The following KRT3 variants were observed in gnomAD, a reference collection of about 807,000 sequenced individuals.
KRT3 encodes the protein keratin, type II cytoskeletal 3.
Under a neutral mutation model 45.8 loss-of-function variants are expected in KRT3, and 34 were observed. That is an observed-to-expected ratio of 0.74 (90% CI 0.57 to 0.99). The LOEUF is 0.99. Ranked by LOEUF, KRT3 falls within the 50% of genes least tolerant of loss-of-function variation. KRT3 has a pLI of 0.00. For synonymous variants in KRT3, 367 were observed against 329.0 expected (o/e 1.12, Z -1.25); for missense variants, 828 against 820.6 (o/e 1.01, Z -0.11).
At chr12:52,792,155 T>G in intron 5 of KRT3, 84 bp downstream of exon 5, 1 of 1,182,756 alleles carries the variant, frequency 8.5e-7, no homozygotes, top group East Asian at 2.4e-5. Context: ...CAGTGACCAC[T>G]GGGAACTCAC....
intron 1 of KRT3, among the ~76,000 whole-genome samples, chr12:52,794,693 C>T (rs1277968810): frequency 6.6e-6 from 1 of 152,216 alleles, no homozygotes; most frequent in Non-Finnish European, 1.5e-5. Flanking sequence ...CCACCCACGA[C>T]TCTACTGACA....
chr12:52,793,321 C>T, intron 2 of KRT3, 98 bp from the exon 3 acceptor site: 1 of 776,234 alleles, frequency 1.3e-6, no homozygotes, highest in Non-Finnish European at 2.2e-6. Context: ...TCCCTCCCTC[C>T]ATCCCTATCC....
Position 52,791,298 on chromosome 12 carries a change from C to A in KRT3, c.1443G>T (p.Leu481=). Residue 481 remains leucine, a synonymous_variant, in exon 7 of 9, where the codon CTG becomes CTT. Transcript: ENST00000417996. ...LQQAKDDLAR[L]LRDYQELMNV... ...TCATCAGCTCCTGGTAGTCACGTAG[C>A]AGCCGCGCCAGGTCATCCTTCGCCT... is the stretch of plus-strand genomic sequence containing the variant. The A allele has an allele frequency of 6.2e-7, 1 of 1,614,266 alleles. No individual in the cohort carries two copies. The highest frequency in any genetic ancestry group is 1.1e-5 in the South Asian group (1 of 91,090).
At position 52,794,232 on chromosome 12, in the gene KRT3, G is replaced by T. The variant is rs1405376814; in HGVS notation, c.745C>A (p.Pro249Thr). Reference sequence around the variant, plus strand: ...TAGTTGATGTGATTCTCAAAAAGAGGCTCAAGGTTGTTTGTGCCTGAGATG... The same window carrying T: ...TAGTTGATGTGATTCTCAAAAAGAGTCTCAAGGTTGTTTGTGCCTGAGATG... ...SSISGTNNLE[P>T]LFENHINYLR... Residue 249 changes from proline (P) to threonine (T), a missense_variant, in exon 2 of 9, where the codon CCT (proline) becomes ACT (threonine). Coordinates refer to ENST00000417996, the MANE Select transcript of KRT3 (RefSeq NM_057088.3). 5.0e-6 allele frequency: 8 copies of T among 1,614,048 alleles called. No individual in the cohort carries two copies. The highest frequency in any genetic ancestry group is 6.8e-6 in the Non-Finnish European group (8 of 1,179,990).
At chr12:52,793,088 G>A in intron 3 of KRT3, 75 bp downstream of exon 3, 3 of 1,186,272 alleles carry the variant, frequency 2.5e-6, no homozygotes, top group Non-Finnish European at 3.7e-6. Flanking sequence ...CTGTGGCAGT[G>A]GAGTGAGGAG....
rs1410809136 is a variant in KRT3 at position 52,792,769 on chromosome 12, T to G, written c.965A>C (p.Gln322Pro). Residue 322 changes from glutamine (Q) to proline (P), a missense_variant, in exon 4 of 9, where the codon CAG (glutamine) becomes CCG (proline). Physicochemically the swap from Gln to Pro is moderately conservative, Grantham distance 76. Coordinates refer to ENST00000417996, the MANE Select transcript of KRT3 (RefSeq NM_057088.3). ...ATCTATCAAGGCATCCACTTTGGCC[T>G]GAAGCTCCACCTTGTTCATATAGGC... Reference protein sequence around the residue: ...DSAYMNKVELQAKVDALIDEI... With the variant: ...DSAYMNKVELPAKVDALIDEI... 4 of 1,613,670 alleles carry G rather than the reference T, an allele frequency of 2.5e-6. No homozygotes were observed. The Admixed American group carries it at 6.7e-5, about 27-fold the overall frequency.
At chr12:52,792,430 C>A (rs747873998) in intron 4 of KRT3, 27 bp from the exon 5 acceptor site, 2 of 1,611,118 alleles carry the variant, frequency 1.2e-6, no homozygotes, top group Non-Finnish European at 8.5e-7. Flanking sequence ...AGCTTGTTCA[C>A]TTTTGGGGTC....
intron 1 of KRT3, among the ~76,000 whole-genome samples, chr12:52,794,816 C>G (rs1391359161): frequency 6.6e-6 from 1 of 152,158 alleles, no homozygotes; most frequent in African/African-American, 2.4e-5. Flanking sequence ...GGAGGCAGCC[C>G]CATGAGAACT....
Position 52,793,541 on chromosome 12 carries a change from C to T in KRT3, c.867-318G>A, listed in dbSNP as rs574914697. ...TCACATGCCAGAACCAGGATCTTCC[C>T]CAACCTGGCTCATGAGGAAATGCTT... On this transcript the variant is annotated intron_variant, in intron 2 of 8. Coordinates refer to ENST00000417996, the MANE Select transcript of KRT3 (RefSeq NM_057088.3). Among the ~76,000 whole-genome samples the T allele has an allele frequency of 2.6e-5, 4 of 152,296 alleles. No individual in the cohort carries two copies. The Middle Eastern group carries it at 0.014, about 518-fold the overall frequency.
rs1231716201 is a variant in KRT3 at position 52,789,805 on chromosome 12, G to A, written c.*237C>T. 2 of 614,832 alleles carry A rather than the reference G, an allele frequency of 3.3e-6. No homozygotes were observed. The highest frequency in any genetic ancestry group is 5.7e-6 in the Non-Finnish European group (2 of 348,840). The allele number at this position is 614,832 out of a possible 1,614,324, so 38.1% of individuals were successfully genotyped here. On this transcript the variant is annotated 3_prime_UTR_variant, in exon 9 of 9. Transcript: ENST00000417996. ...GGGGACTCCGGGGCAGCAGAAGGTG[G>A]CGGCCTAGGCCACACCTGGACAATC... is the stretch of plus-strand genomic sequence containing the variant.
chr12:52,792,449 A>C (rs377346032), intron 4 of KRT3, 46 bp from the exon 5 acceptor site: 146 of 1,578,724 alleles, frequency 9.2e-5, no homozygotes, highest in Admixed American at 2.0e-4. Flanking sequence ...TCCCTGTAAC[A>C]AGCACACAGG....
chr12:52,791,030 T>C (rs1939480451), intron 7 of KRT3, among the ~76,000 whole-genome samples, 158 bp from the exon 8 acceptor site: 1 of 152,246 alleles, frequency 6.6e-6, no homozygotes. Flanking sequence ...AAGGAGAGCC[T>C]GTGGGCACTG....
At position 52,795,442 on chromosome 12, in the gene KRT3, G is replaced by A. The variant is rs200301715; in HGVS notation, c.601C>T (p.Gln201Ter). ...AACTTGTTGTTGAGGGTCTTGATCTGTTCCCGCTCCTGGGCCTTTACTTGC... is the reference window on the plus strand; with the variant it reads ...AACTTGTTGTTGAGGGTCTTGATCTATTCCCGCTCCTGGGCCTTTACTTGC... ...IGQVKAQERE[Q>*]IKTLNNKFAS... is the part of the protein sequence containing the mutation. Residue 201 changes from glutamine (Q) to a stop codon, truncating the protein, a stop_gained, in exon 1 of 9, where the codon CAG becomes TAG. Transcript: ENST00000417996. LOFTEE classifies it high-confidence loss of function. The A allele has an allele frequency of 1.9e-5, 31 of 1,614,018 alleles. No individual in the cohort carries two copies. Among genetic ancestry groups the A allele is most frequent in the Non-Finnish European group, 2.5e-5 (30 of 1,180,038 alleles).
chr12:52,790,342 G>C lies in KRT3; in HGVS notation c.1587C>G (p.Ser529Arg). ...SAVSISVVSS[S>R]TTSASAGGYG... is the part of the protein sequence containing the mutation. ...AGCCACCTGCGGAGGCGGAAGTCGT[G>C]CTGCTGCTGACCACGGCTGTGGGGG... Residue 529 changes from serine (S) to arginine (R), a missense_variant, in exon 9 of 9, where the codon AGC (serine) becomes AGG (arginine). Coordinates refer to ENST00000417996, the MANE Select transcript of KRT3 (RefSeq NM_057088.3). 6.3e-7 allele frequency: 1 copy of C among 1,595,952 alleles called. No homozygotes were observed. The highest frequency in any genetic ancestry group is 8.5e-7 in the Non-Finnish European group (1 of 1,170,490).
Position 52,791,763 on chromosome 12 carries a change from G to C in KRT3, c.1242C>G (p.Thr414=). ...AGRHGDDLRN[T]KSEIIELNRM... The stretch of plus-strand genomic sequence containing the variant: ...TGTTGAGCTCTATGATCTCGCTCTT[G>C]GTATTTCTTAGGTCATCCCCATGCC... Residue 414 remains threonine, a synonymous_variant, in exon 6 of 9, where the codon ACC becomes ACG. Coordinates refer to ENST00000417996, the MANE Select transcript of KRT3 (RefSeq NM_057088.3). The C allele has an allele frequency of 6.2e-7, 1 of 1,614,008 alleles. No individual in the cohort carries two copies. Among genetic ancestry groups the C allele is most frequent in the Non-Finnish European group, 8.5e-7 (1 of 1,179,948 alleles).
Position 52,789,730 on chromosome 12 carries a change from G to T in KRT3, c.*312C>A. Reference sequence around the variant, plus strand: ...TGGCGACAGACCGGAGGGGCGGAGGGGGCTGTGTGCTATATACATCAGAGC... The same window carrying T: ...TGGCGACAGACCGGAGGGGCGGAGGTGGCTGTGTGCTATATACATCAGAGC... On this transcript the variant is annotated 3_prime_UTR_variant, in exon 9 of 9. Coordinates refer to ENST00000417996, the MANE Select transcript of KRT3 (RefSeq NM_057088.3). 1 of 543,154 alleles carries T rather than the reference G, an allele frequency of 1.8e-6. No individual in the cohort carries two copies. The highest frequency in any genetic ancestry group is 3.3e-6 in the Non-Finnish European group (1 of 304,000). The allele number at this position is 543,154 out of a possible 1,614,324, so 33.6% of individuals were successfully genotyped here.
Position 52,792,945 on chromosome 12 carries a change from T to C in KRT3, c.928-139A>G. On this transcript the variant is annotated intron_variant, in intron 3 of 8. Coordinates refer to ENST00000417996, the MANE Select transcript of KRT3 (RefSeq NM_057088.3). ...AGTCTCCACTTGAACGGGCAATTTG[T>C]ATCTCATTAGGATGGTCTAAGTTTA... The C allele has an allele frequency of 9.8e-6, 7 of 714,002 alleles. No homozygotes were observed. In the South Asian group the frequency reaches 1.2e-4, roughly 12 times the overall value. The allele number at this position is 714,002 out of a possible 1,614,324, so 44.2% of individuals were successfully genotyped here. A position where few individuals can be genotyped will look rare whatever the true frequency, so the allele number is the denominator to read the frequency against.
In KRT3 at chr12:52,795,793, G is replaced by C. The variant is rs62617086; in HGVS notation, c.250C>G (p.Arg84Gly). The C allele has an allele frequency of 1.2e-6, 2 of 1,613,926 alleles. No homozygotes were observed. Among genetic ancestry groups the C allele is most frequent in the African/African-American group, 2.7e-5 (2 of 75,016 alleles). ...GSRAGGFGGG[R>G]SSCAFAGGYG... is the part of the protein sequence containing the mutation. ...CCACCTGCAAAGGCACAGCTGCTCC[G>C]CCCTCCCCCAAAGCCTCCAGCCCGG... The change falls in exon 1 of 9, where the codon CGG (arginine) becomes GGG (glycine). Residue 84 changes from arginine (R) to glycine (G), a missense_variant. Transcript: ENST00000417996.
intron 4 of KRT3, 119 bp from the exon 5 acceptor site, chr12:52,792,522 C>A: frequency 9.0e-7 from 1 of 1,107,686 alleles, no homozygotes. Flanking sequence ...TGTGTATCAG[C>A]CACACCCTGT....
Sources: allele counts gnomAD v4.1 joint callset (sites outside exome capture counted in the v4.1 genomes callset), GRCh38; gene constraint gnomAD v4.1.1; transcripts MANE v1.5; gene names NCBI Gene and HGNC (gene_info 2026-07-23, HGNC 2026-07-21).